SIPA1L3: variants seen among roughly 807,000 people sequenced by gnomAD.
SIPA1L3 encodes signal-induced proliferation-associated 1-like protein 3.
In SIPA1L3, 59 loss-of-function variants were observed where a neutral mutation model predicts 150.1. The ratio of observed to expected loss-of-function variants is 0.39; its 90% CI spans 0.32 to 0.49. The LOEUF is 0.49. Ranked by LOEUF, SIPA1L3 falls within the 20% of genes least tolerant of loss-of-function variation. The probability of loss-of-function intolerance (pLI) is 0.86; values close to 1 mark genes in which losing one functional copy is unlikely to be tolerated. For synonymous variants in SIPA1L3, 1,070 were observed against 1,077.6 expected, an observed-to-expected ratio of 0.99 and a Z score of 0.14; for missense variants, 2,211 against 2,489.5, an observed-to-expected ratio of 0.89 and a Z score of 2.38.
chr19:38,083,979 T>A (rs1321556195), intron 3 of SIPA1L3, among the ~76,000 whole-genome samples: 1 of 133,268 alleles, frequency 7.5e-6, no homozygotes, highest in African/African-American at 2.9e-5. Flanking sequence ...GGTGACAGAG[T>A]GAGACTCTGT....
At chr19:37,996,666 A>G (rs909188332) in intron 1 of SIPA1L3, among the ~76,000 whole-genome samples, 4 of 151,982 alleles carry the variant, frequency 2.6e-5, no homozygotes, top group African/African-American at 9.7e-5. Context: ...CAACATCTCC[A>G]CAATCCTCCA....
intron 1 of SIPA1L3, among the ~76,000 whole-genome samples, chr19:38,027,482 C>T (rs1968540150): frequency 1.3e-5 from 2 of 152,034 alleles, no homozygotes; most frequent in South Asian, 4.2e-4. Context: ...CTGGGAGATT[C>T]CTGGAGGAGC....
intron 6 of SIPA1L3, among the ~76,000 whole-genome samples, chr19:38,102,004 G>A (rs961250071): frequency 2.0e-5 from 3 of 151,778 alleles, no homozygotes; most frequent in African/African-American, 7.3e-5. Flanking sequence ...AGTGGGACCT[G>A]AATGATGTCT....
intron 1 of SIPA1L3, among the ~76,000 whole-genome samples, chr19:37,991,272 T>C (rs1599875104): frequency 6.6e-6 from 1 of 152,158 alleles, no homozygotes; most frequent in East Asian, 1.9e-4. Flanking sequence ...TTATTGGCCT[T>C]TTAAAAAAAA....
chr19:38,101,293 A>G, intron 6 of SIPA1L3, 67 bp downstream of exon 6: 1 of 1,256,330 alleles, frequency 8.0e-7, no homozygotes, highest in African/African-American at 1.5e-5. Flanking sequence ...GCAAAGCTTA[A>G]AAGGCCTGGG....
At chr19:38,138,367 T>C (rs973629401) in intron 10 of SIPA1L3, among the ~76,000 whole-genome samples, 24 of 152,128 alleles carry the variant, frequency 1.6e-4, no homozygotes, top group African/African-American at 5.3e-4. Context: ...TAAAAGGTGA[T>C]GTACTGATCA....
At chr19:37,911,705 GT>G (rs1355681029) in intron 1 of SIPA1L3, among the ~76,000 whole-genome samples, 1 of 151,576 alleles carries the variant, frequency 6.6e-6, no homozygotes, top group Non-Finnish European at 1.5e-5. Flanking sequence ...TAGAGATGGG[GT>G]TTCACCGTGG....
At chr19:38,178,482 GT>G (rs1972491450) in intron 15 of SIPA1L3, among the ~76,000 whole-genome samples, 1 of 151,726 alleles carries the variant, frequency 6.6e-6, no homozygotes. Context: ...CAAATGTCTT[GT>G]TTTTGTTTTT....
At chr19:37,986,614 A>G (rs908532223) in intron 1 of SIPA1L3, among the ~76,000 whole-genome samples, 6 of 152,204 alleles carry the variant, frequency 3.9e-5, no homozygotes, top group African/African-American at 1.2e-4. Flanking sequence ...CTTGCTTGCC[A>G]GGGAGAGAAG....
At chr19:38,126,422 C>T (rs963410723) in intron 9 of SIPA1L3, among the ~76,000 whole-genome samples, 4 of 152,034 alleles carry the variant, frequency 2.6e-5, no homozygotes, top group African/African-American at 9.7e-5. Flanking sequence ...TGAATGGCAC[C>T]CAACACAGAT....
intron 1 of SIPA1L3, among the ~76,000 whole-genome samples, chr19:38,005,352 AC>A (rs1323876115): frequency 7.8e-6 from 1 of 128,470 alleles, no homozygotes; most frequent in Non-Finnish European, 1.7e-5. Context: ...ACCCGCCCCC[AC>A]TCCCGCCTCA....
chr19:38,025,590 A>T (rs927307589), intron 1 of SIPA1L3, among the ~76,000 whole-genome samples: 1 of 152,240 alleles, frequency 6.6e-6, no homozygotes, highest in Non-Finnish European at 1.5e-5. Context: ...GCTGCTGATC[A>T]GCCTTTATAG....
At chr19:38,101,794 C>G (rs574120038) in intron 6 of SIPA1L3, among the ~76,000 whole-genome samples, 1 of 152,082 alleles carries the variant, frequency 6.6e-6, no homozygotes, top group African/African-American at 2.4e-5. Context: ...TCCTGCACTC[C>G]TAGGTATGCA....
At chr19:38,085,295 A>T (rs1305957737) in intron 3 of SIPA1L3, among the ~76,000 whole-genome samples, 1 of 151,910 alleles carries the variant, frequency 6.6e-6, no homozygotes, top group Non-Finnish European at 1.5e-5. Flanking sequence ...CCTGGCTAAC[A>T]CGGTGAAACC....
chr19:38,119,669 A>G lies in SIPA1L3; in HGVS notation c.2655A>G (p.Glu885=). Residue 885 remains glutamate (E), a synonymous_variant, in exon 9 of 22, where the codon GAA becomes GAG. Coordinates refer to ENST00000222345, the MANE Select transcript of SIPA1L3 (RefSeq NM_015073.3). ...CCCAGGACTACGCCCAGGGGGTGGAAATCGACTGCATTTTGGGAATTTCCA... is the reference window on the plus strand; with the variant it reads ...CCCAGGACTACGCCCAGGGGGTGGAGATCGACTGCATTTTGGGAATTTCCA... ...VVAQDYAQGV[E]IDCILGISNE... is the part of the protein sequence containing the mutation. 1 of 1,614,206 alleles carries G rather than the reference A, an allele frequency of 6.2e-7. No homozygotes were observed. The highest frequency in any genetic ancestry group is 8.5e-7 in the Non-Finnish European group (1 of 1,180,018).
chr19:38,040,741 C>T (rs757302282), intron 2 of SIPA1L3, among the ~76,000 whole-genome samples: 1 of 152,170 alleles, frequency 6.6e-6, no homozygotes, highest in Non-Finnish European at 1.5e-5. Context: ...ATTGGTTAAA[C>T]GTGTCTTAAA....
intron 2 of SIPA1L3, among the ~76,000 whole-genome samples, chr19:38,054,728 G>A (rs1168794825): frequency 6.6e-6 from 1 of 152,208 alleles, no homozygotes; most frequent in African/African-American, 2.4e-5. Flanking sequence ...GGTGATAAGA[G>A]AACCTTTTGT....
At chr19:38,022,785 C>T (rs574390079) in intron 1 of SIPA1L3, among the ~76,000 whole-genome samples, 11 of 152,306 alleles carry the variant, frequency 7.2e-5, no homozygotes, top group Admixed American at 4.6e-4. Flanking sequence ...AAAATCACAA[C>T]GAAAACCTTG....
chr19:38,192,220 A>G lies in SIPA1L3; in HGVS notation c.4506A>G (p.Pro1502=). ...CATCCCTCCGAGACCTCCGGTCACC[A>G]CGGAAGAACTACAAATCCACCATCG... ...LRASLRDLRS[P]RKNYKSTIED... is the part of the protein sequence containing the mutation. Residue 1502 remains proline (P), a synonymous_variant, in exon 17 of 22, where the codon CCA becomes CCG. Transcript: ENST00000222345. 2 of 1,613,720 alleles carry G rather than the reference A, an allele frequency of 1.2e-6. No individual in the cohort carries two copies.
Sources: gnomAD v4.1 joint callset for allele counts (sites outside exome capture counted in the v4.1 genomes callset) on GRCh38, gnomAD v4.1.1 for gene constraint, MANE v1.5 for transcripts, NCBI Gene and HGNC (gene_info 2026-07-23, HGNC 2026-07-21) for gene names.